Variants in DENND4A observed in about 807,000 individuals in gnomAD.
DENND4A encodes the protein C-myc promoter-binding protein.
DENND4A carries 70 observed loss-of-function variants against 199.3 expected under a neutral mutation model. The observed-to-expected ratio is 0.35, with a 90% CI of 0.29 to 0.43. The LOEUF (loss-of-function observed/expected upper bound fraction) is 0.43, where lower values mean the gene tolerates loss of function less well. DENND4A is among the 20% of genes least tolerant of loss of function. DENND4A has a pLI of 1.00. For missense variants in DENND4A, 1,723 were observed against 2,255.8 expected, an observed-to-expected ratio of 0.76 and a Z score of 4.78; for synonymous variants, 686 against 766.9, an observed-to-expected ratio of 0.89 and a Z score of 1.74.
chr15:65,745,482 A>AT (rs1347711174), intron 4 of DENND4A, among the ~76,000 whole-genome samples: 2 of 152,218 alleles, frequency 1.3e-5, no homozygotes, highest in African/African-American at 4.8e-5. Flanking sequence ...AGCAATGAAC[A>AT]TAAGCAACAT....
intron 14 of DENND4A, among the ~76,000 whole-genome samples, chr15:65,711,022 T>C (rs1200400437): frequency 6.6e-6 from 1 of 152,206 alleles, no homozygotes; most frequent in African/African-American, 2.4e-5. Flanking sequence ...AGGGGCAAAT[T>C]AAACCTCTTT....
intron 27 of DENND4A, 49 bp downstream of exon 27, chr15:65,669,730 A>C: frequency 1.4e-6 from 2 of 1,472,736 alleles, no homozygotes; most frequent in South Asian, 2.6e-5. Flanking sequence ...CTTCTAAAAT[A>C]TGTGTAAATA....
intron 1 of DENND4A, chr15:65,767,247 T>C (rs779191517): frequency 8.5e-5 from 13 of 152,206 alleles, no homozygotes; most frequent in Non-Finnish European, 1.6e-4. Flanking sequence ...GTACCTTTAG[T>C]ATAATTGAAC....
At chr15:65,750,330 T>C (rs1224961521) in intron 4 of DENND4A, among the ~76,000 whole-genome samples, 1 of 152,084 alleles carries the variant, frequency 6.6e-6, no homozygotes, top group Admixed American at 6.6e-5. Context: ...TGGGGACTAC[T>C]AGAGGGGGAA....
chr15:65,720,963 A>C (rs1370774334), intron 12 of DENND4A, among the ~76,000 whole-genome samples: 5 of 64,632 alleles, frequency 7.7e-5, no homozygotes, highest in East Asian at 5.6e-3. Context: ...ATATATATAT[A>C]TATATATATA....
intron 8 of DENND4A, among the ~76,000 whole-genome samples, chr15:65,732,024 T>A (rs1349700906): frequency 6.6e-6 from 1 of 152,078 alleles, no homozygotes; most frequent in African/African-American, 2.4e-5. Flanking sequence ...ATGGCCTACA[T>A]GGCAAATCCA....
chr15:65,699,888 A>C (rs748307626), intron 20 of DENND4A, among the ~76,000 whole-genome samples: 8 of 151,768 alleles, frequency 5.3e-5, no homozygotes, highest in Non-Finnish European at 1.0e-4. Flanking sequence ...TATGTTGCCC[A>C]GACAGTCTCA....
chr15:65,734,649 G>C (rs1170475938), intron 7 of DENND4A, among the ~76,000 whole-genome samples: 1 of 152,106 alleles, frequency 6.6e-6, no homozygotes, highest in Non-Finnish European at 1.5e-5. Flanking sequence ...CTAAACAAAC[G>C]TCAAGCAGGG....
At chr15:65,669,557 C>A (rs2076154221) in intron 27 of DENND4A, among the ~76,000 whole-genome samples, 1 of 151,996 alleles carries the variant, frequency 6.6e-6, no homozygotes, top group South Asian at 2.1e-4. Context: ...ATACATACAG[C>A]TTAAACTCTG....
At chr15:65,727,918 G>C in intron 11 of DENND4A, 1 of 204,936 alleles carries the variant, frequency 4.9e-6, no homozygotes, top group South Asian at 6.6e-5. Flanking sequence ...CATCCCTAGG[G>C]TGTAAAGATA....
At chr15:65,766,216 A>G (rs1162039367) in intron 1 of DENND4A, among the ~76,000 whole-genome samples, 3 of 147,510 alleles carry the variant, frequency 2.0e-5, no homozygotes, top group South Asian at 4.3e-4. Context: ...AGGCCACCGC[A>G]CTCCAGCCTG....
chr15:65,697,490 C>T lies in DENND4A; in HGVS notation c.2834-107G>A, dbSNP rs544062350. ...TTTGGATTTCCTTATAAATTTTTTT[C>T]TGGACAACTTCCAACTTAAAGCATT... On this transcript the variant is annotated intron_variant, in intron 20 of 32. Transcript: ENST00000443035. The T allele has an allele frequency of 5.7e-5, 39 of 679,800 alleles. No individual in the cohort carries two copies. In the South Asian group the frequency reaches 7.1e-4, roughly 12 times the overall value. The allele number at this position is 679,800 out of a possible 1,614,324, so 42.1% of individuals were successfully genotyped here. A position where few individuals can be genotyped will look rare whatever the true frequency, so the allele number is the denominator to read the frequency against.
At chr15:65,730,229 G>T (rs967311524) in intron 9 of DENND4A, among the ~76,000 whole-genome samples, 1 of 152,044 alleles carries the variant, frequency 6.6e-6, no homozygotes, top group Admixed American at 6.5e-5. Flanking sequence ...CACATACAAA[G>T]CAAGTTAATA....
intron 14 of DENND4A, among the ~76,000 whole-genome samples, chr15:65,712,883 C>T (rs1334520953): frequency 1.3e-5 from 2 of 152,044 alleles, no homozygotes; most frequent in Non-Finnish European, 2.9e-5. Context: ...ATCATGGATA[C>T]TATATACCTA....
At chr15:65,725,603 G>T (rs2075779216) in intron 11 of DENND4A, among the ~76,000 whole-genome samples, 1 of 151,706 alleles carries the variant, frequency 6.6e-6, no homozygotes, top group South Asian at 2.1e-4. Context: ...CAAGAACCTG[G>T]GAGGTGGAGC....
chr15:65,790,654 G>A (rs2077691499), intron 1 of DENND4A, among the ~76,000 whole-genome samples: 1 of 152,012 alleles, frequency 6.6e-6, no homozygotes, highest in Non-Finnish European at 1.5e-5. Flanking sequence ...AAAAATTGCC[G>A]AAAATGTTTA....
At chr15:65,715,729 A>G in intron 13 of DENND4A, 106 bp from the exon 14 acceptor site, 1 of 1,057,826 alleles carries the variant, frequency 9.5e-7, no homozygotes, top group South Asian at 1.6e-5. Flanking sequence ...TATACCTCCC[A>G]CACCACTACC....
rs374824492 is a variant in DENND4A at position 65,752,765 on chromosome 15, C to T, written c.312-137G>A. ...AATCTTACTGCAATTTTAAAATGCA[C>T]GGTCTTGTATGAATTAAAGAATAAC... On this transcript the variant is annotated intron_variant, in intron 3 of 32. Transcript: ENST00000443035. 23 of 619,526 alleles carry T rather than the reference C, an allele frequency of 3.7e-5. 1 individual carries two copies. Among genetic ancestry groups the T allele is most frequent in the Middle Eastern group, 4.4e-4 (1 of 2,270 alleles). 38.4% of individuals were successfully genotyped at this position (619,526 alleles called of 1,614,324 possible).
At chr15:65,696,215 AACTCAAGTT>A in intron 22 of DENND4A, 142 bp downstream of exon 22, 1 of 897,446 alleles carries the variant, frequency 1.1e-6, no homozygotes, top group East Asian at 3.2e-5. Context: ...TAAAATATAG[AACTCAAGTT>A]ACTAAGCTAT....
Sources: allele counts gnomAD v4.1 joint callset (sites outside exome capture counted in the v4.1 genomes callset), GRCh38; gene constraint gnomAD v4.1.1; transcripts MANE v1.5; gene names NCBI Gene and HGNC (gene_info 2026-07-23, HGNC 2026-07-21).